Variants in PGAP2 observed in about 807,000 individuals in gnomAD.
PGAP2 encodes post-GPI attachment to proteins 2, also known as acyltransferase PGAP2.
PGAP2 carries 21 observed loss-of-function variants against 33.2 expected under a neutral mutation model. The ratio of observed to expected loss-of-function variants is 0.63; its 90% confidence interval spans 0.45 to 0.91. The LOEUF (loss-of-function observed/expected upper bound fraction) is 0.91. Ranked by LOEUF, PGAP2 falls within the 40% of genes least tolerant of loss-of-function variation. The probability of loss-of-function intolerance (pLI) is 0.00; values close to 1 mark genes in which losing one functional copy is unlikely to be tolerated. For missense variants in PGAP2, 345 were observed against 424.0 expected (o/e 0.81, Z 1.64); for synonymous variants, 161 against 172.9 (o/e 0.93, Z 0.54).
In PGAP2 at chr11:3,811,694, A is replaced by G. The variant is rs2085615792; in HGVS notation, c.165+270A>G. ...GTTTGACACATGTCCCACCCCATTTACTTTGATATCCTAGAGAAAGTGGTC... is the reference window on the plus strand; with the variant it reads ...GTTTGACACATGTCCCACCCCATTTGCTTTGATATCCTAGAGAAAGTGGTC... On this transcript the variant is annotated intron_variant, in intron 2 of 6. Transcript: ENST00000278243. This position sits in a 1 kb window ranked among gnomAD's most constrained non-coding sequence, Gnocchi z 4.6. 6.6e-6 allele frequency among the ~76,000 whole-genome samples: 1 copy of G among 152,084 alleles called. No homozygotes were observed. Among genetic ancestry groups the G allele is most frequent in the African/African-American group, 2.4e-5 (1 of 41,416 alleles).
At chr11:3,803,851 T>C (rs967545909), upstream of PGAP2, among the ~76,000 whole-genome samples, 18 of 151,732 alleles carry the variant, frequency 1.2e-4, no homozygotes, top group Non-Finnish European at 2.1e-4. Context: ...AGTGCAGTGG[T>C]GCGATCATGA....
Position 3,797,938 on chromosome 11 carries a change from T to A in PGAP2, c.95T>A (p.Leu32Gln). 1.3e-6 allele frequency: 2 copies of A among 1,548,676 alleles called. No individual in the cohort carries two copies. Among genetic ancestry groups the A allele is most frequent in the South Asian group, 2.4e-5 (2 of 83,972 alleles). ...TTCCTTGGAGCGCCGCGACTCGGGC[T>A]GAGGGAGCTCGGGCCAATCAGAGGG... is the stretch of plus-strand genomic sequence containing the variant. Residue 32 changes from leucine to glutamine, a missense_variant, in exon 1 of 7, where the codon CTG becomes CAG. Coordinates refer to the PGAP2 transcript ENST00000300730.
chr11:3,803,080 G>A (rs1193839022), intron 1 of PGAP2, among the ~76,000 whole-genome samples: 2 of 150,520 alleles, frequency 1.3e-5, no homozygotes, highest in Non-Finnish European at 3.0e-5. Context: ...TGCAACCTCC[G>A]CCTCCTGGGT....
At chr11:3,797,761 G>T, upstream of PGAP2, 2 of 1,494,066 alleles carry the variant, frequency 1.3e-6, no homozygotes, top group South Asian at 1.2e-5. Context: ...CGGTGAGAGG[G>T]CCGTGGAGTC....
chr11:3,824,693 T>G (rs1463285457), intron 5 of PGAP2: 1 of 884,398 alleles, frequency 1.1e-6, no homozygotes, highest in African/African-American at 1.7e-5. Flanking sequence ...CTGTCATAAT[T>G]CCAGCGCCCC....
chr11:3,802,531 T>G (rs2083604414), intron 1 of PGAP2, among the ~76,000 whole-genome samples: 1 of 152,188 alleles, frequency 6.6e-6, no homozygotes, highest in African/African-American at 2.4e-5. Flanking sequence ...TCAACACTAT[T>G]CTGGCCAAGG....
chr11:3,818,399 G>C (rs2087675291), intron 3 of PGAP2, among the ~76,000 whole-genome samples: 2 of 151,886 alleles, frequency 1.3e-5, no homozygotes, highest in Non-Finnish European at 2.9e-5. Context: ...GAAGAGAAGG[G>C]ATTGGAATGG....
At chr11:3,807,677 T>G (rs1343665208), upstream of PGAP2, among the ~76,000 whole-genome samples, 1 of 152,096 alleles carries the variant, frequency 6.6e-6, no homozygotes, top group Non-Finnish European at 1.5e-5. Context: ...TACTGGGTGT[T>G]CAGAATGTGT....
In PGAP2 at chr11:3,817,535, G is replaced by A; in HGVS notation, c.348G>A (p.Gly116=). The part of the protein sequence containing the change: ...HFEYTVATDC[G]VPNYLPSVSS... ...AGTACACGGTGGCCACTGACTGTGG[G>A]GTGAGTGCCAGCTCCCCAGCCCCTG... Residue 116 remains glycine (G), a splice_region_variant and synonymous_variant, in exon 3 of 7, where the codon GGG becomes GGA. Coordinates refer to ENST00000278243, the MANE Select transcript of PGAP2 (RefSeq NM_014489.4). The A allele has an allele frequency of 6.2e-7, 1 of 1,613,800 alleles. No individual in the cohort carries two copies. Among genetic ancestry groups the A allele is most frequent in the Non-Finnish European group, 8.5e-7 (1 of 1,179,698 alleles).
chr11:3,819,052 A>ATATT (rs1354764048), intron 3 of PGAP2, among the ~76,000 whole-genome samples: 1 of 152,084 alleles, frequency 6.6e-6, no homozygotes, highest in Non-Finnish European at 1.5e-5. Context: ...TGTGCTTTAC[A>ATATT]TATTTATTTA....
chr11:3,817,466 C>G lies in PGAP2; in HGVS notation c.279C>G (p.Phe93Leu), dbSNP rs75812077. The G allele has an allele frequency of 3.7e-6, 6 of 1,614,040 alleles. No homozygotes were observed. The highest frequency in any genetic ancestry group is 4.2e-6 in the Non-Finnish European group (5 of 1,180,016). Residue 93 changes from phenylalanine (F) to leucine (L), a missense_variant, in exon 3 of 7, where the codon TTC becomes TTG. Transcript: ENST00000278243. ...MVWWAITFPV[F>L]GFFFCIIWSL... is the part of the protein sequence containing the mutation. ...GGTGGGCCATCACTTTTCCTGTGTT[C>G]GGCTTCTTCTTCTGCATCATCTGGT... is the stretch of plus-strand genomic sequence containing the variant.
chr11:3,822,805 T>A, intron 3 of PGAP2: 1 of 611,640 alleles, frequency 1.6e-6, no homozygotes, highest in Non-Finnish European at 2.8e-6. Flanking sequence ...GGCTTTCCTG[T>A]CCCCATCTAA....
At chr11:3,807,040 A>G (rs1202262309), upstream of PGAP2, among the ~76,000 whole-genome samples, 1 of 148,180 alleles carries the variant, frequency 6.7e-6, no homozygotes, top group African/African-American at 2.5e-5. Context: ...AGAGAGAAAG[A>G]AAGAAAAAAA....
chr11:3,822,162 A>G (rs1260651493), intron 3 of PGAP2, among the ~76,000 whole-genome samples: 2 of 151,290 alleles, frequency 1.3e-5, no homozygotes, highest in Non-Finnish European at 2.9e-5. Flanking sequence ...CAGGAGATTG[A>G]GACCATCCTG....
rs556076968 is a variant in PGAP2, at chr11:3,812,424, A to G, written c.165+1000A>G. On this transcript the variant is annotated intron_variant, in intron 2 of 6. Transcript: ENST00000278243. ...AGCCTGATGACATAGTGAGACCCCC[A>G]TTTCTAAAAAATAAAATAGGGTTGA... Among the ~76,000 whole-genome samples the G allele has an allele frequency of 5.9e-5, 9 of 152,270 alleles. No individual in the cohort carries two copies. The East Asian group carries it at 1.7e-3, about 29-fold the overall frequency.
At chr11:3,808,458 G>A (rs2084849854), upstream of PGAP2, 17 of 1,493,694 alleles carry the variant, frequency 1.1e-5, no homozygotes, top group East Asian at 5.1e-5. Context: ...GAGGAGGAGA[G>A]CCAGGGGTCG....
upstream of PGAP2, among the ~76,000 whole-genome samples, chr11:3,805,806 C>T (rs1167837937): frequency 1.3e-5 from 2 of 151,844 alleles, no homozygotes; most frequent in African/African-American, 4.8e-5. Flanking sequence ...CCTGCCTCAG[C>T]CTCCCAAGTA....
upstream of PGAP2, among the ~76,000 whole-genome samples, chr11:3,804,671 T>TTTTTGCA (rs1334930386): frequency 6.6e-6 from 1 of 152,206 alleles, no homozygotes. Flanking sequence ...TTTCTTTTTA[T>TTTTTGCA]TTTTGTATTT....
rs2086886598 is a variant in PGAP2, at chr11:3,815,863, C to T, written c.166-1490C>T. Among the ~76,000 whole-genome samples, 7 of 152,022 alleles carry T rather than the reference C, an allele frequency of 4.6e-5. No individual in the cohort carries two copies. The South Asian group carries it at 1.5e-3, about 32-fold the overall frequency. On this transcript the variant is annotated intron_variant, in intron 2 of 6. Coordinates refer to ENST00000278243, the MANE Select transcript of PGAP2 (RefSeq NM_014489.4). The stretch of plus-strand genomic sequence containing the variant: ...TGCTTCTGTCATCATAGGATTTAGC[C>T]ATTTCTCCAGTGAGGCCCAACAAGC...
Sources: allele counts gnomAD v4.1 joint callset (sites outside exome capture counted in the v4.1 genomes callset), GRCh38; gene constraint gnomAD v4.1.1; non-coding constraint Gnocchi (gnomAD v3.1); transcripts MANE v1.5; gene names NCBI Gene and HGNC (gene_info 2026-07-23, HGNC 2026-07-21).